Variants in PRKG1 observed in about 807,000 individuals in gnomAD.
The protein encoded by PRKG1 is cGMP-dependent protein kinase 1.
In PRKG1, 35 loss-of-function variants were observed where a neutral mutation model predicts 88.1. That is an observed-to-expected ratio of 0.40 (90% CI 0.30 to 0.53). The LOEUF is 0.53. PRKG1 is among the 20% of genes least tolerant of loss of function. The probability of loss-of-function intolerance (pLI) is 0.59; values close to 1 mark genes in which losing one functional copy is unlikely to be tolerated. For synonymous variants in PRKG1, 303 were observed against 292.5 expected (o/e 1.04, Z -0.37); for missense variants, 540 against 839.8 (o/e 0.64, Z 4.41).
intron 5 of PRKG1, among the ~76,000 whole-genome samples, chr10:52,000,929 G>T (rs1844577797): frequency 6.6e-6 from 1 of 151,944 alleles, no homozygotes; most frequent in Admixed American, 6.6e-5. Flanking sequence ...TCTGAAATTT[G>T]AGCAACTCAA....
At chr10:51,003,549 G>T (rs1842911373) in intron 1 of PRKG1, among the ~76,000 whole-genome samples, 1 of 152,202 alleles carries the variant, frequency 6.6e-6, no homozygotes, top group African/African-American at 2.4e-5. Flanking sequence ...TGATACTTAT[G>T]AGCATACGCT....
At chr10:52,038,052 G>T (rs779289862) in intron 5 of PRKG1, among the ~76,000 whole-genome samples, 1 of 152,158 alleles carries the variant, frequency 6.6e-6, no homozygotes, top group Non-Finnish European at 1.5e-5. Context: ...GATCTTGCAG[G>T]ATGGAAAAAT....
At chr10:51,615,156 C>T (rs1434850951) in intron 3 of PRKG1, among the ~76,000 whole-genome samples, 1 of 151,680 alleles carries the variant, frequency 6.6e-6, no homozygotes, top group African/African-American at 2.4e-5. Flanking sequence ...TGAATATATC[C>T]CATTATCTCC....
chr10:51,087,153 C>T (rs1010311577), intron 1 of PRKG1, among the ~76,000 whole-genome samples: 1 of 152,166 alleles, frequency 6.6e-6, no homozygotes, highest in Non-Finnish European at 1.5e-5. Context: ...AACAACTTCT[C>T]TTGCTCAAAT....
chr10:51,411,916 C>G (rs1000921606), intron 2 of PRKG1, among the ~76,000 whole-genome samples: 3 of 151,892 alleles, frequency 2.0e-5, no homozygotes, highest in Non-Finnish European at 4.4e-5. Flanking sequence ...GGAAAAGTAA[C>G]GGCAGCACTG....
intron 10 of PRKG1, among the ~76,000 whole-genome samples, chr10:52,255,667 T>A (rs1180113795): frequency 6.6e-6 from 1 of 151,952 alleles, no homozygotes; most frequent in Non-Finnish European, 1.5e-5. Flanking sequence ...GGGGCAATCA[T>A]GTAAACTAAT....
rs577295952 is a variant in PRKG1, at chr10:51,605,436, T to C, written c.592+137600T>C. 8.0e-4 allele frequency among the ~76,000 whole-genome samples: 122 copies of C among 152,270 alleles called. 2 individuals are homozygous for C. In the South Asian group the frequency reaches 0.024, roughly 30 times the overall value. On this transcript the variant is annotated intron_variant, in intron 3 of 17. Transcript: ENST00000373980. Reference sequence around the variant, plus strand: ...TGTTACACACCTTACATTGCAAAGGTGGTTGCTTTCTGCCTTATCCTGGGA... The same window carrying C: ...TGTTACACACCTTACATTGCAAAGGCGGTTGCTTTCTGCCTTATCCTGGGA...
chr10:51,051,729 C>A (rs1843564211), intron 1 of PRKG1, among the ~76,000 whole-genome samples: 1 of 152,084 alleles, frequency 6.6e-6, no homozygotes, highest in Non-Finnish European at 1.5e-5. Context: ...AATCTACTTC[C>A]TTTATAATTC....
intron 1 of PRKG1, among the ~76,000 whole-genome samples, chr10:51,054,856 A>G (rs999577933): frequency 6.6e-6 from 1 of 152,194 alleles, no homozygotes; most frequent in Non-Finnish European, 1.5e-5. Context: ...TTAGGATAAT[A>G]ACAAAAATGC....
intron 3 of PRKG1, among the ~76,000 whole-genome samples, chr10:51,672,194 A>G (rs2132351029): frequency 6.6e-6 from 1 of 152,020 alleles, no homozygotes; most frequent in African/African-American, 2.4e-5. Flanking sequence ...GTCTACCTTT[A>G]GTCTCTTAAT....
At chr10:51,845,723 T>C (rs1407814011) in intron 4 of PRKG1, among the ~76,000 whole-genome samples, 1 of 152,144 alleles carries the variant, frequency 6.6e-6, no homozygotes, top group Non-Finnish European at 1.5e-5. Context: ...TCCCTTCTTA[T>C]AATAAGATTA....
chr10:51,089,210 C>T (rs77943456), intron 1 of PRKG1, among the ~76,000 whole-genome samples: 1,654 of 152,056 alleles, frequency 0.011, 34 homozygotes, highest in African/African-American at 0.038. Context: ...ATGTGTAATC[C>T]CAAACTCTGC....
chr10:51,174,428 T>A (rs1233498042), intron 2 of PRKG1, among the ~76,000 whole-genome samples: 1 of 152,054 alleles, frequency 6.6e-6, no homozygotes. Flanking sequence ...CTCCTTACAA[T>A]GTCTATGTAA....
chr10:51,427,681 T>C (rs1012543218), intron 2 of PRKG1, among the ~76,000 whole-genome samples: 3 of 152,128 alleles, frequency 2.0e-5, no homozygotes, highest in African/African-American at 7.2e-5. Flanking sequence ...GCCCTGCTAG[T>C]GAAAGTGTGA....
chr10:51,754,409 T>C (rs544043570), intron 3 of PRKG1, among the ~76,000 whole-genome samples: 1 of 152,336 alleles, frequency 6.6e-6, no homozygotes, highest in Non-Finnish European at 1.5e-5. Context: ...GTTCTTTCAA[T>C]TACTTCCCTC....
At chr10:51,396,026 G>A (rs1258505241) in intron 2 of PRKG1, among the ~76,000 whole-genome samples, 2 of 152,030 alleles carry the variant, frequency 1.3e-5, no homozygotes, top group African/African-American at 4.8e-5. Flanking sequence ...ATTATATTAT[G>A]TACATAACAC....
chr10:51,720,082 G>A (rs1841975554), intron 3 of PRKG1, among the ~76,000 whole-genome samples: 1 of 152,174 alleles, frequency 6.6e-6, no homozygotes, highest in Non-Finnish European at 1.5e-5. Flanking sequence ...AAATAGGAGA[G>A]AGGGGCGGGA....
At chr10:52,269,424 C>T (rs1269434073) in intron 10 of PRKG1, among the ~76,000 whole-genome samples, 7 of 152,034 alleles carry the variant, frequency 4.6e-5, no homozygotes, top group Admixed American at 3.9e-4. Flanking sequence ...TTTCCCTCTA[C>T]CTGTCATACT....
At chr10:51,492,578 C>T (rs751353396) in intron 3 of PRKG1, among the ~76,000 whole-genome samples, 8 of 152,100 alleles carry the variant, frequency 5.3e-5, no homozygotes, top group East Asian at 1.9e-4. Flanking sequence ...TTTTGTAATA[C>T]TAATTTAATT....
Sources: gnomAD v4.1 joint callset for allele counts (sites outside exome capture counted in the v4.1 genomes callset) on GRCh38, gnomAD v4.1.1 for gene constraint, MANE v1.5 for transcripts, NCBI Gene and HGNC (gene_info 2026-07-23, HGNC 2026-07-21) for gene names.